Variants in ZNF804A observed in about 807,000 individuals in gnomAD.
The protein encoded by ZNF804A is zinc finger protein 804A.
In ZNF804A, 2 loss-of-function variants were observed where a neutral mutation model predicts 16.5. The observed-to-expected ratio is 0.12, with a 90% confidence interval of 0.05 to 0.38. The LOEUF (loss-of-function observed/expected upper bound fraction) is 0.38. ZNF804A is among the 10% of genes least tolerant of loss of function. The pLI, the probability that ZNF804A is intolerant of heterozygous loss-of-function variation, is 0.99. For synonymous variants in ZNF804A, 534 were observed against 489.6 expected (o/e 1.09, Z -1.20); for missense variants, 1,473 against 1,390.7 (o/e 1.06, Z -0.94).
chr2:184,725,707 T>C (rs1434749953), intron 1 of ZNF804A, among the ~76,000 whole-genome samples: 3 of 151,564 alleles, frequency 2.0e-5, no homozygotes, highest in Non-Finnish European at 4.4e-5. Context: ...TAAATTTGTG[T>C]AACTACCACT....
chr2:184,701,665 A>T (rs1692921526), intron 1 of ZNF804A, among the ~76,000 whole-genome samples: 1 of 151,934 alleles, frequency 6.6e-6, no homozygotes, highest in Non-Finnish European at 1.5e-5. Context: ...TTTTCTTAAA[A>T]ATCAGGTTCT....
intron 1 of ZNF804A, among the ~76,000 whole-genome samples, chr2:184,844,281 G>T: frequency 1.3e-5 from 2 of 150,728 alleles, no homozygotes; most frequent in Non-Finnish European, 1.5e-5. Flanking sequence ...GTTAATTTTT[G>T]GATCAATTAA....
chr2:184,614,112 G>A (rs1691283433), intron 1 of ZNF804A, among the ~76,000 whole-genome samples: 2 of 152,002 alleles, frequency 1.3e-5, no homozygotes, highest in South Asian at 4.1e-4. Flanking sequence ...ACAGAACAGA[G>A]GCCTCAGAAA....
chr2:184,845,700 A>G (rs374158840), intron 1 of ZNF804A, among the ~76,000 whole-genome samples: 2 of 152,162 alleles, frequency 1.3e-5, no homozygotes, highest in African/African-American at 2.4e-5. Flanking sequence ...CATGCCAAGG[A>G]CATGAGAGAC....
At chr2:184,633,792 C>T (rs1439330270) in intron 1 of ZNF804A, among the ~76,000 whole-genome samples, 1 of 152,094 alleles carries the variant, frequency 6.6e-6, no homozygotes, top group Admixed American at 6.5e-5. Context: ...TATTCTAAAG[C>T]TAAACTTAAG....
chr2:184,897,446 AT>A (rs1361126470), intron 2 of ZNF804A, among the ~76,000 whole-genome samples: 2 of 145,786 alleles, frequency 1.4e-5, no homozygotes, highest in Non-Finnish European at 3.0e-5. Context: ...CCATACAGCA[AT>A]TTTTTCCCCT....
chr2:184,788,209 T>A (rs1051811510), intron 1 of ZNF804A, among the ~76,000 whole-genome samples: 2 of 152,042 alleles, frequency 1.3e-5, no homozygotes, highest in Non-Finnish European at 2.9e-5. Context: ...TGTCTATTTT[T>A]GTACCAGTAC....
At chr2:184,779,777 A>C (rs1356804336) in intron 1 of ZNF804A, among the ~76,000 whole-genome samples, 1 of 151,720 alleles carries the variant, frequency 6.6e-6, no homozygotes, top group African/African-American at 2.4e-5. Context: ...GCAACTCCGC[A>C]GACACCCTAA....
At chr2:184,748,789 C>T (rs560000765) in intron 1 of ZNF804A, among the ~76,000 whole-genome samples, 4 of 151,552 alleles carry the variant, frequency 2.6e-5, no homozygotes, top group Admixed American at 2.0e-4. Context: ...TGTCTAGTTT[C>T]GTTCTTCTGC....
At chr2:184,868,562 G>A (rs935759640) in intron 2 of ZNF804A, among the ~76,000 whole-genome samples, 1 of 151,948 alleles carries the variant, frequency 6.6e-6, no homozygotes, top group African/African-American at 2.4e-5. Flanking sequence ...AAAAATGTAG[G>A]GATTGTTCAG....
At chr2:184,709,689 A>G (rs1693091634) in intron 1 of ZNF804A, among the ~76,000 whole-genome samples, 1 of 151,632 alleles carries the variant, frequency 6.6e-6, no homozygotes, top group East Asian at 1.9e-4. Flanking sequence ...TCGTTTCTAA[A>G]GGTGACTTCC....
At chr2:184,874,268 T>C (rs754879410) in intron 2 of ZNF804A, among the ~76,000 whole-genome samples, 2 of 152,114 alleles carry the variant, frequency 1.3e-5, no homozygotes, top group Non-Finnish European at 2.9e-5. Context: ...TGGGATACCA[T>C]AGGAGACGTA....
At chr2:184,755,097 T>G (rs1338428593) in intron 1 of ZNF804A, among the ~76,000 whole-genome samples, 1 of 151,918 alleles carries the variant, frequency 6.6e-6, no homozygotes, top group East Asian at 1.9e-4. Context: ...AGCAGAATGA[T>G]CTCAGTGTTA....
At chr2:184,656,669 T>C (rs1227222584) in intron 1 of ZNF804A, among the ~76,000 whole-genome samples, 2 of 152,010 alleles carry the variant, frequency 1.3e-5, no homozygotes, top group Non-Finnish European at 2.9e-5. Context: ...CTTTATCTTG[T>C]GTGTGTATAT....
chr2:184,869,968 A>G (rs1695948281), intron 2 of ZNF804A, among the ~76,000 whole-genome samples: 1 of 152,024 alleles, frequency 6.6e-6, no homozygotes, highest in African/African-American at 2.4e-5. Context: ...TACAGATATG[A>G]TTACAATAGC....
chr2:184,915,768 A>T (rs1461824245), intron 2 of ZNF804A, among the ~76,000 whole-genome samples: 2 of 152,170 alleles, frequency 1.3e-5, no homozygotes, highest in Non-Finnish European at 2.9e-5. Flanking sequence ...GGGGAAAGAT[A>T]TTGTTCAGAT....
In ZNF804A at chr2:184,813,993, C is replaced by CTTTT. The variant is rs1163432699; in HGVS notation, c.112-52351_112-52348dup. On this transcript the variant is annotated intron_variant, in intron 1 of 3. Transcript: ENST00000302277. Reference sequence around the variant, plus strand: ...TTTAGGGCATGTTTGAGAAAGGCAGCTTTTTTTTTTTTTTTTTTTTTTTTT... The same window carrying CTTTT: ...TTTAGGGCATGTTTGAGAAAGGCAGCTTTTTTTTTTTTTTTTTTTTTTTTTTTTT... 6.5e-4 allele frequency among the ~76,000 whole-genome samples: 32 copies of CTTTT among 49,180 alleles called. 2 individuals carry two copies. Among genetic ancestry groups the CTTTT allele is most frequent in the Admixed American group, 1.2e-3 (4 of 3,428 alleles). 32.3% of individuals were successfully genotyped at this position (49,180 alleles called of 152,430 possible). A position where few individuals can be genotyped will look rare whatever the true frequency, so the allele number is the denominator to read the frequency against.
At chr2:184,856,556 T>C (rs1695690744) in intron 1 of ZNF804A, among the ~76,000 whole-genome samples, 1 of 152,082 alleles carries the variant, frequency 6.6e-6, no homozygotes, top group Admixed American at 6.6e-5. Flanking sequence ...TAAGTACGTA[T>C]GTGTAAGTAT....
At chr2:184,659,338 C>A (rs1464321420) in intron 1 of ZNF804A, among the ~76,000 whole-genome samples, 8 of 152,074 alleles carry the variant, frequency 5.3e-5, no homozygotes, top group Non-Finnish European at 1.2e-4. Flanking sequence ...ATTTCCCAGT[C>A]CTCCTCTCAG....
Sources: allele counts gnomAD v4.1 joint callset (sites outside exome capture counted in the v4.1 genomes callset), GRCh38; gene constraint gnomAD v4.1.1; transcripts MANE v1.5; gene names NCBI Gene and HGNC (gene_info 2026-07-23, HGNC 2026-07-21).